The following GRID2 variants were observed in gnomAD, a reference collection of about 807,000 sequenced individuals.
GRID2 encodes the protein glutamate receptor ionotropic, delta-2.
GRID2 carries 33 observed loss-of-function variants against 114.8 expected under a neutral mutation model. The ratio of observed to expected loss-of-function variants is 0.29; its 90% CI spans 0.22 to 0.38. GRID2 has a LOEUF of 0.38. GRID2 is among the 10% of genes least tolerant of loss of function. The pLI, the probability that GRID2 is intolerant of heterozygous loss-of-function variation, is 1.00. For missense variants in GRID2, 1,184 were observed against 1,257.7 expected (o/e 0.94, Z 0.89); for synonymous variants, 505 against 449.9 (o/e 1.12, Z -1.55).
chr4:92,313,446 C>T (rs1430037135), intron 1 of GRID2, among the ~76,000 whole-genome samples: 1 of 151,738 alleles, frequency 6.6e-6, no homozygotes, highest in African/African-American at 2.4e-5. Context: ...AACCAAATAC[C>T]ACCTGTACCC....
At chr4:93,478,765 T>C (rs1475484943) in intron 11 of GRID2, among the ~76,000 whole-genome samples, 1 of 151,846 alleles carries the variant, frequency 6.6e-6, no homozygotes, top group Non-Finnish European at 1.5e-5. Context: ...ATAAAAGTGG[T>C]GGAAAGAAGG....
intron 8 of GRID2, among the ~76,000 whole-genome samples, chr4:93,323,775 T>C (rs1025912572): frequency 6.6e-6 from 1 of 152,124 alleles, no homozygotes; most frequent in Non-Finnish European, 1.5e-5. Flanking sequence ...CCCTTATAAG[T>C]TGGATTCCTA....
At chr4:92,720,458 G>GGA (rs777107340) in intron 2 of GRID2, among the ~76,000 whole-genome samples, 1 of 151,368 alleles carries the variant, frequency 6.6e-6, no homozygotes, top group Non-Finnish European at 1.5e-5. Flanking sequence ...ACTACCTTTG[G>GGA]GAATAAAGCT....
At position 92,959,537 on chromosome 4, in the gene GRID2, T is replaced by C. The variant is rs944617202; in HGVS notation, c.245-125458T>C. 3.3e-5 allele frequency among the ~76,000 whole-genome samples: 5 copies of C among 152,072 alleles called. No homozygotes were observed. In the East Asian group the frequency reaches 7.7e-4, roughly 23 times the overall value. ...CCCAAAGGATTATAAACCATTCTACTATAAAGACACATTCACATTTATGTT... is the reference window on the plus strand; with the variant it reads ...CCCAAAGGATTATAAACCATTCTACCATAAAGACACATTCACATTTATGTT... On this transcript the variant is annotated intron_variant, in intron 2 of 15. Transcript: ENST00000282020.
intron 4 of GRID2, among the ~76,000 whole-genome samples, chr4:93,145,453 GTATT>G (rs948645585): frequency 7.1e-6 from 1 of 140,272 alleles, no homozygotes; most frequent in African/African-American, 2.7e-5. Context: ...ATTTGTATTT[GTATT>G]TATTTATTTA....
Position 92,304,286 on chromosome 4 carries a change from G to C in GRID2, c.-371G>C. ...GAGGGGGGTGTTGGAAGTTGCAGCG[G>C]AGCTGGGACCGGAGACCCGCGGCCC... On this transcript the variant is annotated 5_prime_UTR_variant, in exon 1 of 16. Transcript: ENST00000282020. The C allele has an allele frequency of 4.0e-6, 1 of 247,918 alleles. No individual in the cohort carries two copies. Among genetic ancestry groups the C allele is most frequent in the Non-Finnish European group, 7.8e-6 (1 of 129,012 alleles). 15.4% of individuals were successfully genotyped at this position (247,918 alleles called of 1,614,324 possible).
intron 14 of GRID2, among the ~76,000 whole-genome samples, chr4:93,637,760 CA>C (rs1201759214): frequency 6.6e-6 from 1 of 152,132 alleles, no homozygotes; most frequent in Non-Finnish European, 1.5e-5. Flanking sequence ...TCTTTTGCTA[CA>C]AGTTAGTTTA....
intron 4 of GRID2, among the ~76,000 whole-genome samples, chr4:93,187,547 G>C (rs1357427466): frequency 6.6e-6 from 1 of 152,088 alleles, no homozygotes; most frequent in African/African-American, 2.4e-5. Flanking sequence ...CAATGTGTTA[G>C]CATTATAAAC....
intron 1 of GRID2, among the ~76,000 whole-genome samples, chr4:93,799,336 C>A (rs1015070553): frequency 6.6e-6 from 1 of 152,058 alleles, no homozygotes; most frequent in Non-Finnish European, 1.5e-5. Flanking sequence ...AAAAACTCTC[C>A]AAGACTGCTT....
chr4:93,040,415 T>C (rs1341483880), intron 2 of GRID2, among the ~76,000 whole-genome samples: 4 of 152,164 alleles, frequency 2.6e-5, no homozygotes, highest in Non-Finnish European at 4.4e-5. Flanking sequence ...ACAGAAATTT[T>C]AGGGCATCAG....
chr4:92,886,064 C>T (rs922763008), intron 2 of GRID2, among the ~76,000 whole-genome samples: 3 of 151,960 alleles, frequency 2.0e-5, no homozygotes, highest in African/African-American at 7.2e-5. Context: ...TAAATGTGGA[C>T]TTGCAATTGC....
chr4:92,572,816 A>G (rs935348546), intron 1 of GRID2, among the ~76,000 whole-genome samples: 10 of 152,138 alleles, frequency 6.6e-5, no homozygotes, highest in African/African-American at 2.2e-4. Flanking sequence ...TTTTGGTATC[A>G]GAATGATGAT....
intron 2 of GRID2, among the ~76,000 whole-genome samples, chr4:92,735,757 A>G (rs1226649036): frequency 6.6e-6 from 1 of 151,922 alleles, no homozygotes; most frequent in African/African-American, 2.4e-5. Context: ...TTTATTTTAT[A>G]TCATAAGATC....
intron 2 of GRID2, among the ~76,000 whole-genome samples, chr4:92,609,624 A>C (rs1295081548): frequency 6.7e-6 from 1 of 149,022 alleles, no homozygotes; most frequent in Non-Finnish European, 1.5e-5. Flanking sequence ...AATAATATAT[A>C]TTATATATAT....
intron 10 of GRID2, among the ~76,000 whole-genome samples, chr4:93,435,075 GT>G (rs1239752421): frequency 2.0e-5 from 3 of 148,978 alleles, no homozygotes; most frequent in Non-Finnish European, 4.4e-5. Flanking sequence ...CTGTTTTATT[GT>G]TTTTTATAAC....
At chr4:93,724,451 G>A (rs1277818808) in intron 14 of GRID2, among the ~76,000 whole-genome samples, 2 of 151,856 alleles carry the variant, frequency 1.3e-5, no homozygotes, top group Non-Finnish European at 2.9e-5. Context: ...TTCTTTTGTA[G>A]GTATGTAATA....
intron 1 of GRID2, among the ~76,000 whole-genome samples, chr4:92,487,005 C>T (rs1268935883): frequency 6.6e-6 from 1 of 151,752 alleles, no homozygotes; most frequent in Non-Finnish European, 1.5e-5. Context: ...TATGTTCTTC[C>T]TCCCTTAGCC....
At chr4:93,136,877 G>T (rs1245642096) in intron 4 of GRID2, among the ~76,000 whole-genome samples, 1 of 152,018 alleles carries the variant, frequency 6.6e-6, no homozygotes, top group South Asian at 2.1e-4. Context: ...TTAAAGGCAA[G>T]GTAACTTATT....
intron 13 of GRID2, among the ~76,000 whole-genome samples, chr4:93,617,455 C>T (rs983654126): frequency 6.6e-6 from 1 of 152,118 alleles, no homozygotes; most frequent in Non-Finnish European, 1.5e-5. Context: ...ACATCGTTTT[C>T]CTCCATCATA....
Sources: allele counts gnomAD v4.1 joint callset (sites outside exome capture counted in the v4.1 genomes callset), GRCh38; gene constraint gnomAD v4.1.1; transcripts MANE v1.5; gene names NCBI Gene and HGNC (gene_info 2026-07-23, HGNC 2026-07-21).